The following CPS1 variants were observed in gnomAD, a reference collection of about 807,000 sequenced individuals.
CPS1 encodes the protein carbamoyl-phosphate synthase [ammonia], mitochondrial.
In CPS1, 109 loss-of-function variants were observed where a neutral mutation model predicts 174.6. The ratio of observed to expected loss-of-function variants is 0.62; its 90% CI spans 0.53 to 0.73. The LOEUF is 0.73. Among genes scored for constraint, CPS1 ranks in the 30% least tolerant of loss-of-function variants. The pLI is 0.00. For missense variants in CPS1, 1,689 were observed against 1,821.9 expected (o/e 0.93, Z 1.33); for synonymous variants, 637 against 632.0 (o/e 1.01, Z -0.12).
At chr2:210,666,758 G>T (rs1290075762) in intron 33 of CPS1, among the ~76,000 whole-genome samples, 2 of 152,012 alleles carry the variant, frequency 1.3e-5, no homozygotes, top group South Asian at 2.1e-4. Context: ...AGTCAGGTAG[G>T]GTGATGCCTC....
chr2:210,494,384 G>A (rs1694939991), intron 1 of CPS1, among the ~76,000 whole-genome samples: 1 of 152,212 alleles, frequency 6.6e-6, no homozygotes, highest in African/African-American at 2.4e-5. Flanking sequence ...TATGTGTGGT[G>A]TGTATAGAGA....
chr2:210,591,966 T>G lies in CPS1; in HGVS notation c.1083T>G (p.Asn361Lys). ...TTGTGAATGTCAACGATCAAACAAATGAGGTAAATGATGTCAATAAACCTG... is the reference window on the plus strand; with the variant it reads ...TTGTGAATGTCAACGATCAAACAAAGGAGGTAAATGATGTCAATAAACCTG... ...PLFVNVNDQT[N>K]EGIMHESKPF... is the part of the protein sequence containing the mutation. The change falls in exon 10 of 38, where the codon AAT becomes AAG. Residue 361 changes from asparagine to lysine, a missense_variant. Asn to Lys is a moderately conservative substitution (Grantham distance 94, BLOSUM62 0). Transcript: ENST00000233072. 1 of 1,610,972 alleles carries G rather than the reference T, an allele frequency of 6.2e-7. No individual in the cohort carries two copies.
chr2:210,610,901 A>G (rs1699091832), intron 19 of CPS1, among the ~76,000 whole-genome samples: 2 of 151,924 alleles, frequency 1.3e-5, no homozygotes, highest in South Asian at 4.1e-4. Context: ...GAATAATAAA[A>G]ATATATGGAG....
intron 21 of CPS1, among the ~76,000 whole-genome samples, chr2:210,629,657 G>C (rs765054967): frequency 4.6e-5 from 7 of 151,806 alleles, no homozygotes; most frequent in Non-Finnish European, 8.8e-5. Context: ...TTACTACTTT[G>C]GTTAGGCAGT....
intron 21 of CPS1, among the ~76,000 whole-genome samples, chr2:210,625,042 G>A (rs985681273): frequency 4.0e-5 from 6 of 151,842 alleles, no homozygotes; most frequent in African/African-American, 1.4e-4. Context: ...TTACTTGATG[G>A]CATTTCTTTT....
chr2:210,638,338 T>G (rs906582128), intron 22 of CPS1, among the ~76,000 whole-genome samples: 1 of 152,162 alleles, frequency 6.6e-6, no homozygotes, highest in Non-Finnish European at 1.5e-5. Context: ...CATAATGAGC[T>G]CATCTAGTAT....
intron 1 of CPS1, among the ~76,000 whole-genome samples, chr2:210,505,091 T>C (rs1215697259): frequency 3.9e-5 from 6 of 152,008 alleles, no homozygotes; most frequent in African/African-American, 7.2e-5. Flanking sequence ...GTTTTTAGTG[T>C]AATTCATGCT....
rs1197704752 is a variant in CPS1, at chr2:210,637,773, G to T, written c.2759G>T (p.Cys920Phe). The change falls in exon 22 of 38, where the codon TGC (cysteine) becomes TTC (phenylalanine). Residue 920 changes from cysteine to phenylalanine, a missense_variant. Physicochemically the swap from Cys to Phe is radical, Grantham distance 205 (BLOSUM62 -2). Coordinates refer to ENST00000233072, the MANE Select transcript of CPS1 (RefSeq NM_001875.5). ...TTCTCAGATAAGCAGATTTCAAAAT[G>T]CCTTGGGCTCACTGAGGCCCAGACA... is the stretch of plus-strand genomic sequence containing the variant. ...IGFSDKQISK[C>F]LGLTEAQTRE... 1 of 1,613,876 alleles carries T rather than the reference G, an allele frequency of 6.2e-7. No individual in the cohort carries two copies. The highest frequency in any genetic ancestry group is 8.5e-7 in the Non-Finnish European group (1 of 1,179,926).
At chr2:210,509,061 G>A (rs1574478228) in intron 1 of CPS1, among the ~76,000 whole-genome samples, 2 of 152,170 alleles carry the variant, frequency 1.3e-5, no homozygotes, top group African/African-American at 4.8e-5. Context: ...ACCAAAGCCT[G>A]GCAGAGACAC....
chr2:210,668,405 A>G, intron 34 of CPS1, 121 bp downstream of exon 34: 1 of 768,040 alleles, frequency 1.3e-6, no homozygotes, highest in Non-Finnish European at 2.3e-6. Context: ...CGTTTATGGC[A>G]ACTTCCAGGA....
At chr2:210,605,308 G>T in intron 17 of CPS1, 62 bp downstream of exon 17, 1 of 1,580,984 alleles carries the variant, frequency 6.3e-7, no homozygotes. Context: ...GATGGCCAAG[G>T]CAGTCTTTAT....
At chr2:210,505,722 C>T (rs575853514) in intron 1 of CPS1, among the ~76,000 whole-genome samples, 7 of 152,188 alleles carry the variant, frequency 4.6e-5, no homozygotes, top group East Asian at 1.9e-4. Flanking sequence ...TCTTAGCAAA[C>T]GGCACACCAG....
intron 13 of CPS1, 48 bp downstream of exon 13, chr2:210,595,630 G>A (rs1437485138): frequency 1.6e-6 from 2 of 1,212,464 alleles, no homozygotes; most frequent in Admixed American, 1.7e-5. Flanking sequence ...CCTTTAATGA[G>A]TCTAATTAGT....
chr2:210,493,809 A>G (rs1168423331), intron 1 of CPS1, among the ~76,000 whole-genome samples: 1 of 152,210 alleles, frequency 6.6e-6, no homozygotes, highest in Non-Finnish European at 1.5e-5. Flanking sequence ...AAATACTCCA[A>G]GTTGAACATC....
chr2:210,489,023 A>G (rs1327509639), intron 1 of CPS1, among the ~76,000 whole-genome samples: 1 of 152,182 alleles, frequency 6.6e-6, no homozygotes, highest in East Asian at 1.9e-4. Context: ...ATTATTAAGA[A>G]TTATGAAAAT....
At chr2:210,676,914 C>T (rs1701554048) in intron 36 of CPS1, 93 bp from the exon 37 acceptor site, 5 of 1,254,536 alleles carry the variant, frequency 4.0e-6, no homozygotes, top group Non-Finnish European at 5.8e-6. Context: ...ATGGCATTGA[C>T]TTGAATGGCT....
upstream of CPS1, among the ~76,000 whole-genome samples, chr2:210,555,299 G>C (rs528959105): frequency 1.2e-4 from 18 of 152,000 alleles, no homozygotes; most frequent in Admixed American, 1.2e-3. Context: ...ATAATTCTAT[G>C]CTTAAACTTT....
At chr2:210,518,289 A>G (rs1156382148) in intron 1 of CPS1, among the ~76,000 whole-genome samples, 1 of 152,020 alleles carries the variant, frequency 6.6e-6, no homozygotes, top group African/African-American at 2.4e-5. Flanking sequence ...CATTTGTCCC[A>G]GGTATATTAG....
At chr2:210,478,602 C>T (rs1287098924) in intron 1 of CPS1, among the ~76,000 whole-genome samples, 1 of 152,108 alleles carries the variant, frequency 6.6e-6, no homozygotes, top group Non-Finnish European at 1.5e-5. Context: ...TTTATTGAAT[C>T]ACAATCTTTC....
Sources: allele counts gnomAD v4.1 joint callset (sites outside exome capture counted in the v4.1 genomes callset), GRCh38; gene constraint gnomAD v4.1.1; transcripts MANE v1.5; gene names NCBI Gene and HGNC (gene_info 2026-07-23, HGNC 2026-07-21).